Variants in TENM4 observed in about 807,000 individuals in gnomAD.
TENM4 encodes the protein teneurin transmembrane protein 4, also known as teneurin-4.
TENM4 carries 82 observed loss-of-function variants against 243.3 expected under a neutral mutation model. The observed-to-expected ratio is 0.34, with a 90% CI of 0.28 to 0.40. The LOEUF is 0.40. TENM4 is among the 10% of genes least tolerant of loss of function. TENM4 has a pLI of 1.00. For missense variants in TENM4, 3,138 were observed against 3,673.3 expected (o/e 0.85, Z 3.77); for synonymous variants, 1,412 against 1,456.3 (o/e 0.97, Z 0.69).
At chr11:78,854,907 C>T (rs1227681240) in intron 11 of TENM4, among the ~76,000 whole-genome samples, 1 of 152,188 alleles carries the variant, frequency 6.6e-6, no homozygotes, top group African/African-American at 2.4e-5. Flanking sequence ...AAAACTCTAT[C>T]AATAATTACA....
At chr11:79,192,901 C>T (rs1863546721) in intron 3 of TENM4, 1 of 152,358 alleles carries the variant, frequency 6.6e-6, no homozygotes, top group Admixed American at 6.5e-5. Flanking sequence ...GCCAACAGCT[C>T]AAAGCTGCTT....
intron 12 of TENM4, among the ~76,000 whole-genome samples, chr11:78,830,055 C>T (rs116362813): frequency 0.026 from 3,929 of 152,322 alleles, 175 homozygotes; most frequent in African/African-American, 0.09. Context: ...CACAGGGATG[C>T]ACCCACATGG....
At chr11:78,937,512 A>T (rs980166283) in intron 6 of TENM4, among the ~76,000 whole-genome samples, 1 of 152,124 alleles carries the variant, frequency 6.6e-6, no homozygotes, top group African/African-American at 2.4e-5. Context: ...ACATTTCCCA[A>T]ATGTATTTGT....
intron 2 of TENM4, among the ~76,000 whole-genome samples, chr11:79,282,247 T>C (rs949779338): frequency 6.6e-6 from 1 of 152,208 alleles, no homozygotes; most frequent in East Asian, 1.9e-4. Context: ...TCATGTTTGG[T>C]AGCAATTGTT....
chr11:78,845,068 C>T (rs558067914), intron 12 of TENM4, among the ~76,000 whole-genome samples: 10 of 152,328 alleles, frequency 6.6e-5, no homozygotes, highest in African/African-American at 2.2e-4. Flanking sequence ...ACATGCCTGG[C>T]AGAGGTAGCA....
At chr11:79,386,159 G>A (rs114245890) in intron 1 of TENM4, among the ~76,000 whole-genome samples, 233 of 152,276 alleles carry the variant, frequency 1.5e-3, no homozygotes, top group African/African-American at 5.3e-3. Flanking sequence ...CTGTGGTACC[G>A]TGGGGAAAGA....
chr11:78,942,187 T>G lies in TENM4; in HGVS notation c.494-38664A>C, dbSNP rs192461389. 4.0e-4 allele frequency among the ~76,000 whole-genome samples: 50 copies of G among 126,356 alleles called. 1 individual carries two copies. Among genetic ancestry groups the G allele is most frequent in the African/African-American group, 1.2e-3 (40 of 32,608 alleles). 82.9% of individuals were successfully genotyped at this position (126,356 alleles called of 152,430 possible). A position where few individuals can be genotyped will look rare whatever the true frequency, so the allele number is the denominator to read the frequency against. On this transcript the variant is annotated intron_variant, in intron 6 of 33. Coordinates refer to ENST00000278550, the MANE Select transcript of TENM4 (RefSeq NM_001098816.3). ...CAGCACTTTGGGAGGCCAAGTTGGG[T>G]AGATGGCCTGAGCTCAGGAGTTTGA...
At chr11:79,413,921 T>C (rs927230858) in intron 1 of TENM4, among the ~76,000 whole-genome samples, 9 of 152,148 alleles carry the variant, frequency 5.9e-5, no homozygotes, top group Admixed American at 5.9e-4. Context: ...TGATAAGTCA[T>C]AGACGGCAAA....
intron 1 of TENM4, among the ~76,000 whole-genome samples, chr11:79,350,138 C>T (rs911665693): frequency 3.3e-5 from 5 of 152,194 alleles, no homozygotes; most frequent in African/African-American, 1.2e-4. Context: ...CATAACTGTG[C>T]CTCCTGTTAG....
intron 2 of TENM4, among the ~76,000 whole-genome samples, chr11:79,216,500 AGT>A (rs1417489254): frequency 2.0e-5 from 3 of 152,226 alleles, no homozygotes; most frequent in African/African-American, 4.8e-5. Flanking sequence ...GTTCCTCAAA[AGT>A]GTTGGAACCT....
chr11:79,290,585 A>T (rs547014795), intron 2 of TENM4, among the ~76,000 whole-genome samples: 1 of 151,244 alleles, frequency 6.6e-6, no homozygotes, highest in African/African-American at 2.4e-5. Context: ...CCTTTGTACC[A>T]CTGCAGTATC....
At chr11:79,317,625 G>A (rs530807470) in intron 1 of TENM4, among the ~76,000 whole-genome samples, 36 of 152,248 alleles carry the variant, frequency 2.4e-4, no homozygotes, top group African/African-American at 7.5e-4. Flanking sequence ...GAGAGGTTTT[G>A]TGACCTGCTC....
chr11:78,912,814 A>T (rs2136356675), intron 6 of TENM4, among the ~76,000 whole-genome samples: 2 of 152,376 alleles, frequency 1.3e-5, no homozygotes, highest in South Asian at 4.1e-4. Flanking sequence ...CAAGAGCATC[A>T]AAACCTGTCT....
chr11:78,939,219 T>C (rs1856842303), intron 6 of TENM4, among the ~76,000 whole-genome samples: 1 of 152,210 alleles, frequency 6.6e-6, no homozygotes, highest in African/African-American at 2.4e-5. Flanking sequence ...AACACTTCTC[T>C]CTCCACATAC....
intron 2 of TENM4, among the ~76,000 whole-genome samples, chr11:79,278,613 C>T (rs893722971): frequency 6.6e-6 from 1 of 152,190 alleles, no homozygotes; most frequent in African/African-American, 2.4e-5. Flanking sequence ...CTTGCCACTT[C>T]ATCTTTGTTG....
intron 4 of TENM4, among the ~76,000 whole-genome samples, chr11:79,115,290 G>T (rs1861594981): frequency 6.6e-6 from 1 of 152,066 alleles, no homozygotes; most frequent in Non-Finnish European, 1.5e-5. Context: ...CCCAGCCTGG[G>T]GTGGGCAGAG....
chr11:78,862,081 A>G (rs1378793508), intron 10 of TENM4, among the ~76,000 whole-genome samples: 1 of 152,232 alleles, frequency 6.6e-6, no homozygotes, highest in African/African-American at 2.4e-5. Context: ...ACCCAATGCC[A>G]CCACCATTTC....
In TENM4 at chr11:79,169,966, A is replaced by C. The variant is rs146715789; in HGVS notation, c.-162-21160T>G. Among the ~76,000 whole-genome samples, 8 of 152,308 alleles carry C rather than the reference A, an allele frequency of 5.3e-5. No individual in the cohort carries two copies. In the East Asian group the frequency reaches 1.5e-3, roughly 29 times the overall value. ...TGTTAGTTTGTTCCCTATTCCAAAG[A>C]CAAATAGGATGGGGCTTTTCTTTCT... On this transcript the variant is annotated intron_variant, in intron 3 of 33. Coordinates refer to ENST00000278550, the MANE Select transcript of TENM4 (RefSeq NM_001098816.3).
chr11:78,911,328 T>C (rs1856180428), intron 6 of TENM4, among the ~76,000 whole-genome samples: 1 of 152,136 alleles, frequency 6.6e-6, no homozygotes, highest in Non-Finnish European at 1.5e-5. Flanking sequence ...GACTTTATTC[T>C]CTGTTTGCCT....
Sources: gnomAD v4.1 joint callset for allele counts (sites outside exome capture counted in the v4.1 genomes callset) on GRCh38, gnomAD v4.1.1 for gene constraint, MANE v1.5 for transcripts, NCBI Gene and HGNC (gene_info 2026-07-23, HGNC 2026-07-21) for gene names.